NPC1: variants seen among roughly 807,000 people sequenced by gnomAD.
The protein encoded by NPC1 is Niemann-Pick C1 protein.
NPC1 carries 85 observed loss-of-function variants against 140.4 expected under a neutral mutation model. The ratio of observed to expected loss-of-function variants is 0.61; its 90% CI spans 0.51 to 0.72. The LOEUF is 0.72. Ranked by LOEUF, NPC1 falls within the 30% of genes least tolerant of loss-of-function variation. NPC1 has a pLI of 0.00. For missense variants in NPC1, 1,504 were observed against 1,623.8 expected (o/e 0.93, Z 1.27); for synonymous variants, 656 against 624.8 (o/e 1.05, Z -0.74).
rs760861487 is a variant in NPC1 at position 23,556,585 on chromosome 18, G to A, written c.984C>T (p.Ser328=). 7.4e-6 allele frequency: 12 copies of A among 1,614,096 alleles called. No individual in the cohort carries two copies. Among genetic ancestry groups the A allele is most frequent in the Admixed American group, 3.3e-5 (2 of 60,006 alleles). ...KGEASCCDPV[S]AAFEGCLRRL... ...GCCTCAAGCAGCCCTCAAATGCTGC[G>A]CTGACAGGGTCACAGCAGGACGCCT... The change falls in exon 8 of 25, where the codon AGC becomes AGT. Residue 328 remains serine, a synonymous_variant. Coordinates refer to ENST00000269228, the MANE Select transcript of NPC1 (RefSeq NM_000271.5).
chr18:23,532,771 A>AT (rs574131468), intron 24 of NPC1: 190 of 497,776 alleles, frequency 3.8e-4, no homozygotes, highest in African/African-American at 3.8e-3. Flanking sequence ...CCCGGAGATG[A>AT]TAAAAAGCCC....
Position 23,547,412 on chromosome 18 carries a change from T to C in NPC1, c.1757+594A>G, listed in dbSNP as rs371620562. Reference sequence around the variant, plus strand: ...TCTATTGTATTCATTCCTTATTAAATACATTCAGCATGCTCCCAAGTTTTG... The same window carrying C: ...TCTATTGTATTCATTCCTTATTAAACACATTCAGCATGCTCCCAAGTTTTG... On this transcript the variant is annotated intron_variant, in intron 11 of 24. Transcript: ENST00000269228. Among the ~76,000 whole-genome samples, 355 of 152,324 alleles carry C rather than the reference T, an allele frequency of 2.3e-3. 7 individuals are homozygous for C. The South Asian group carries it at 0.035, about 15-fold the overall frequency.
At chr18:23,529,856 T>C, downstream of NPC1, 1 of 1,048,298 alleles carries the variant, frequency 9.5e-7, no homozygotes. Context: ...CATTATTAGT[T>C]GGAATGGGAA....
At chr18:23,524,478 C>A, downstream of NPC1, 1 of 1,613,970 alleles carries the variant, frequency 6.2e-7, no homozygotes, top group Non-Finnish European at 8.5e-7. Flanking sequence ...TCAGCGCAAG[C>A]CAAGGTAGGT....
intron 3 of NPC1, among the ~76,000 whole-genome samples, chr18:23,569,645 AAAT>A (rs1304281782): frequency 6.6e-6 from 1 of 152,214 alleles, no homozygotes; most frequent in East Asian, 1.9e-4. Context: ...GAAGAAAATA[AAAT>A]AATGAGAATT....
At chr18:23,571,943 A>G (rs192494009) in intron 3 of NPC1, 131 bp downstream of exon 3, 1 of 314,502 alleles carries the variant, frequency 3.2e-6, no homozygotes, top group Admixed American at 4.5e-5. Flanking sequence ...ATATGTATAA[A>G]TATATAATAT....
chr18:23,508,068 G>C (rs2057757932), intron 3 of NPC1: 1 of 1,590,798 alleles, frequency 6.3e-7, no homozygotes, highest in African/African-American at 1.3e-5. Flanking sequence ...TTTCTCAGCT[G>C]CTGGTGTCAG....
intron 11 of NPC1, 60 bp from the exon 12 acceptor site, chr18:23,545,209 C>T: frequency 7.9e-7 from 1 of 1,262,186 alleles, no homozygotes; most frequent in Admixed American, 1.7e-5. Context: ...AAGTAAGAAA[C>T]TTCTCCCTAA....
rs556147876 is a variant in NPC1, at chr18:23,573,100, A to C, written c.180+352T>G. 5.9e-5 allele frequency among the ~76,000 whole-genome samples: 9 copies of C among 152,368 alleles called. No individual in the cohort carries two copies. In the South Asian group the frequency reaches 1.7e-3, roughly 28 times the overall value. On this transcript the variant is annotated intron_variant, in intron 2 of 24. Transcript: ENST00000269228. ...AAGGACGTCAAAGCCACTTAGCAAC[A>C]GAGTCCATTTGAGTCCTGAAATCTA...
chr18:23,529,714 T>TA, downstream of NPC1: 1 of 1,610,868 alleles, frequency 6.2e-7, no homozygotes, highest in Middle Eastern at 1.6e-4. Flanking sequence ...GCAGTACAGG[T>TA]ACCTTCAAAT....
rs967620508 is a variant in NPC1, at chr18:23,586,486, C to G, written c.-143G>C. On this transcript the variant is annotated 5_prime_UTR_variant, in exon 1 of 25. Coordinates refer to ENST00000269228, the MANE Select transcript of NPC1 (RefSeq NM_000271.5). ...AGCAGGCGCTGACCGCGGCAGCAGG[C>G]TGCGCGCGCCGGTCAGGAAGGAAGA... is the stretch of plus-strand genomic sequence containing the variant. 2.0e-5 allele frequency: 28 copies of G among 1,425,624 alleles called. No individual in the cohort carries two copies. In the East Asian group the frequency reaches 7.0e-4, roughly 36 times the overall value. The allele number at this position is 1,425,624 out of a possible 1,614,324, so 88.3% of individuals were successfully genotyped here.
chr18:23,550,904 C>T (rs1433775753), intron 10 of NPC1, among the ~76,000 whole-genome samples: 3 of 152,160 alleles, frequency 2.0e-5, no homozygotes, highest in Admixed American at 6.5e-5. Flanking sequence ...CATCCCTTCT[C>T]CAACAATTAG....
rs574511328 is a variant in NPC1 at position 23,538,152 on chromosome 18, T to G, written c.3041+390A>C. Among the ~76,000 whole-genome samples the G allele has an allele frequency of 3.3e-5, 5 of 152,200 alleles. No homozygotes were observed. The South Asian group carries it at 1.0e-3, about 32-fold the overall frequency. ...GAATCGCAACCTTAATGTGGGATAA[T>G]GTTACTAAAGCTAAGATCACGCCCC... On this transcript the variant is annotated intron_variant, in intron 20 of 24. Coordinates refer to ENST00000269228, the MANE Select transcript of NPC1 (RefSeq NM_000271.5).
Position 23,544,951 on chromosome 18 carries a change from C to CCCCCCCT in NPC1, c.1947+8_1947+9insAGGGGGG. 7.0e-7 allele frequency: 1 copy of CCCCCCCT among 1,436,106 alleles called. No individual in the cohort carries two copies. The allele number at this position is 1,436,106 out of a possible 1,614,324, so 89.0% of individuals were successfully genotyped here. ...CCTCTAGAACATACACCACCCCCCC[C>CCCCCCCT]CGGCTTACCAGAAGCCTGCGACAGC... On this transcript the variant is annotated intron_variant, in intron 12 of 24. Transcript: ENST00000269228.
chr18:23,580,779 CATGAAGA>C (rs2059347284), intron 1 of NPC1, among the ~76,000 whole-genome samples: 1 of 152,182 alleles, frequency 6.6e-6, no homozygotes, highest in African/African-American at 2.4e-5. Context: ...GAGGGAGTGG[CATGAAGA>C]ATCCTGTCCA....
intron 16 of NPC1, among the ~76,000 whole-genome samples, chr18:23,540,792 T>TC (rs2058702844): frequency 6.6e-6 from 1 of 152,374 alleles, no homozygotes; most frequent in Admixed American, 6.5e-5. Context: ...GGCTTCTATT[T>TC]CCTCATTATT....
chr18:23,531,806 T>C lies in NPC1; in HGVS notation c.*396A>G. The C allele has an allele frequency of 6.6e-7, 1 of 1,517,336 alleles. No individual in the cohort carries two copies. The highest frequency in any genetic ancestry group is 8.8e-7 in the Non-Finnish European group (1 of 1,142,130). 94.0% of individuals were successfully genotyped at this position (1,517,336 alleles called of 1,614,324 possible). On this transcript the variant is annotated 3_prime_UTR_variant, in exon 25 of 25. Coordinates refer to ENST00000269228, the MANE Select transcript of NPC1 (RefSeq NM_000271.5). ...AATGTTATAAAGTGTATCTACAACC[T>C]CAACTGTCACTAAAAATATGGTATA...
chr18:23,516,462 T>C, intron 3 of NPC1: 1 of 1,589,906 alleles, frequency 6.3e-7, no homozygotes, highest in Non-Finnish European at 8.6e-7. Context: ...CTGTGATTGC[T>C]TTCAGTAATA....
downstream of NPC1, among the ~76,000 whole-genome samples, chr18:23,517,697 G>C (rs1788818): frequency 6.6e-6 from 1 of 150,794 alleles, no homozygotes; most frequent in African/African-American, 2.4e-5. Flanking sequence ...TTTTTTAAAC[G>C]TACTCTTCTG....
Sources: allele counts gnomAD v4.1 joint callset (sites outside exome capture counted in the v4.1 genomes callset), GRCh38; gene constraint gnomAD v4.1.1; transcripts MANE v1.5; gene names NCBI Gene and HGNC (gene_info 2026-07-23, HGNC 2026-07-21).